C2CD5: variants seen among roughly 807,000 people sequenced by gnomAD.
C2CD5 encodes the protein C2 calcium dependent domain containing 5, also known as C2 domain-containing protein 5.
Under a neutral mutation model 130.3 loss-of-function variants are expected in C2CD5, and 109 were observed. The ratio of observed to expected loss-of-function variants is 0.84; its 90% CI spans 0.72 to 0.98. The LOEUF is 0.98. Ranked by LOEUF, C2CD5 falls within the 50% of genes least tolerant of loss-of-function variation. C2CD5 has a pLI of 0.00. For missense variants in C2CD5, 996 were observed against 1,261.8 expected (o/e 0.79, Z 3.19); for synonymous variants, 454 against 429.2 (o/e 1.06, Z -0.71).
chr12:22,496,552 G>C (rs937931517), intron 10 of C2CD5, among the ~76,000 whole-genome samples: 3 of 151,666 alleles, frequency 2.0e-5, no homozygotes, highest in Admixed American at 2.0e-4. Flanking sequence ...AAGATGTTAA[G>C]AAACAAACCT....
At position 22,544,457 on chromosome 12, in the gene C2CD5, C is replaced by T; in HGVS notation, c.-167G>A. ...CGAAAAGCAAAACCCAGTCAGCATC[C>T]CGTTGAGCCTCTGCCGCCCCTGCTT... On this transcript the variant is annotated 5_prime_UTR_variant, in exon 1 of 27. Transcript: ENST00000446597. 1 of 247,032 alleles carries T rather than the reference C, an allele frequency of 4.0e-6. No homozygotes were observed. Among genetic ancestry groups the T allele is most frequent in the Non-Finnish European group, 7.7e-6 (1 of 129,630 alleles). 15.3% of individuals were successfully genotyped at this position (247,032 alleles called of 1,614,324 possible).
At chr12:22,530,064 T>C (rs1201225080) in intron 3 of C2CD5, among the ~76,000 whole-genome samples, 2 of 139,802 alleles carry the variant, frequency 1.4e-5, no homozygotes, top group African/African-American at 2.7e-5. Context: ...GCTTAAGACA[T>C]GTATTTGAGT....
chr12:22,541,796 T>G (rs969131515), intron 2 of C2CD5, among the ~76,000 whole-genome samples: 5 of 152,208 alleles, frequency 3.3e-5, no homozygotes, highest in Admixed American at 2.0e-4. Context: ...TGTAACTATA[T>G]ATTTAATAAT....
intron 3 of C2CD5, among the ~76,000 whole-genome samples, chr12:22,533,485 C>T (rs1346099550): frequency 1.3e-5 from 2 of 152,030 alleles, no homozygotes; most frequent in African/African-American, 2.4e-5. Context: ...TGGGGCATGC[C>T]GACAGACCAA....
chr12:22,511,828 G>A (rs1949230745), intron 9 of C2CD5, among the ~76,000 whole-genome samples: 1 of 152,088 alleles, frequency 6.6e-6, no homozygotes. Flanking sequence ...ACATTTTTCT[G>A]TTGATGTGAA....
chr12:22,454,698 GT>G (rs1939463831), intron 25 of C2CD5, among the ~76,000 whole-genome samples: 1 of 150,662 alleles, frequency 6.6e-6, no homozygotes, highest in Admixed American at 6.6e-5. Context: ...GATAGCCTCT[GT>G]TCAATTTCTT....
intron 22 of C2CD5, among the ~76,000 whole-genome samples, chr12:22,468,521 A>G (rs1229957223): frequency 1.3e-5 from 2 of 152,186 alleles, no homozygotes; most frequent in African/African-American, 4.8e-5. Context: ...CCCGGCCCAA[A>G]GAAGACTCTT....
At chr12:22,543,424 A>T (rs1202876012) in intron 2 of C2CD5, among the ~76,000 whole-genome samples, 1 of 152,276 alleles carries the variant, frequency 6.6e-6, no homozygotes, top group Non-Finnish European at 1.5e-5. Context: ...CTACCAGCCT[A>T]TACAAGAGCA....
At chr12:22,455,486 G>C (rs1338434785) in intron 25 of C2CD5, among the ~76,000 whole-genome samples, 1 of 152,114 alleles carries the variant, frequency 6.6e-6, no homozygotes, top group African/African-American at 2.4e-5. Context: ...ATTCAAAATA[G>C]TGTAATATCC....
intron 12 of C2CD5, among the ~76,000 whole-genome samples, chr12:22,489,142 C>T (rs1946007018): frequency 2.6e-5 from 4 of 151,824 alleles, no homozygotes; most frequent in Admixed American, 2.6e-4. Flanking sequence ...TCACAAAGTG[C>T]TAGGATTACA....
intron 15 of C2CD5, chr12:22,477,941 A>C: frequency 5.4e-6 from 1 of 183,678 alleles, no homozygotes. Context: ...TCTAGGCAAT[A>C]GAAACAAAGC....
chr12:22,530,561 G>A (rs927912403), intron 3 of C2CD5, among the ~76,000 whole-genome samples: 8 of 151,540 alleles, frequency 5.3e-5, no homozygotes, highest in South Asian at 2.1e-4. Context: ...AGGTTCAAGC[G>A]ATTCTTGGGC....
chr12:22,479,787 C>T (rs1161906935), intron 14 of C2CD5, among the ~76,000 whole-genome samples: 2 of 151,916 alleles, frequency 1.3e-5, no homozygotes, highest in Non-Finnish European at 2.9e-5. Context: ...AACAAGGTAA[C>T]ATTTATATAT....
intron 15 of C2CD5, among the ~76,000 whole-genome samples, chr12:22,477,682 A>C (rs545847046): frequency 6.6e-6 from 1 of 152,152 alleles, no homozygotes; most frequent in South Asian, 2.1e-4. Flanking sequence ...TTTTCTTTCA[A>C]TTCAGACTCT....
chr12:22,531,461 G>C (rs531975724), intron 3 of C2CD5, among the ~76,000 whole-genome samples: 1 of 152,190 alleles, frequency 6.6e-6, no homozygotes, highest in African/African-American at 2.4e-5. Context: ...ATGGAGTTGA[G>C]AGTGCGGAAA....
At chr12:22,471,767 A>G (rs923168131) in intron 19 of C2CD5, among the ~76,000 whole-genome samples, 200 bp downstream of exon 19, 1 of 152,030 alleles carries the variant, frequency 6.6e-6, no homozygotes, top group Non-Finnish European at 1.5e-5. Flanking sequence ...CTATTAACTA[A>G]AACTATTTCT....
intron 22 of C2CD5, among the ~76,000 whole-genome samples, chr12:22,465,766 T>C (rs1187468009): frequency 1.3e-5 from 2 of 152,148 alleles, no homozygotes; most frequent in Non-Finnish European, 2.9e-5. Flanking sequence ...AAAATTGTAT[T>C]AAAAATTTGC....
intron 12 of C2CD5, among the ~76,000 whole-genome samples, 200 bp from the exon 13 acceptor site, chr12:22,485,088 G>A (rs1945297472): frequency 6.6e-6 from 1 of 151,994 alleles, no homozygotes. Flanking sequence ...TTTCCTATGA[G>A]AGAAAAGACT....
rs60617771 is a variant in C2CD5, at chr12:22,508,871, C to CTT, written c.1039-2054_1039-2053dup. On this transcript the variant is annotated intron_variant, in intron 9 of 26. Transcript: ENST00000446597. ...TTATATGTAATCTTTATACTTAAAT[C>CTT]TTTTTTTTTTTTTTTTGAGACGGAG... is the stretch of plus-strand genomic sequence containing the variant. Among the ~76,000 whole-genome samples, 65 of 138,392 alleles carry CTT rather than the reference C, an allele frequency of 4.7e-4. 1 individual carries two copies. The highest frequency in any genetic ancestry group is 1.5e-3 in the African/African-American group (57 of 37,034). The allele number at this position is 138,392 out of a possible 152,430, so 90.8% of individuals were successfully genotyped here.
Sources: allele counts gnomAD v4.1 joint callset (sites outside exome capture counted in the v4.1 genomes callset), GRCh38; gene constraint gnomAD v4.1.1; transcripts MANE v1.5; gene names NCBI Gene and HGNC (gene_info 2026-07-23, HGNC 2026-07-21).